KSR2: variants seen among roughly 807,000 people sequenced by gnomAD.
KSR2 encodes the protein kinase suppressor of ras 2.
In KSR2, 25 loss-of-function variants were observed where a neutral mutation model predicts 107.8. The ratio of observed to expected loss-of-function variants is 0.23; its 90% CI spans 0.17 to 0.32. The LOEUF (loss-of-function observed/expected upper bound fraction) is 0.32. Ranked by LOEUF, KSR2 falls within the 10% of genes least tolerant of loss-of-function variation. The probability of loss-of-function intolerance (pLI) is 1.00; values close to 1 mark genes in which losing one functional copy is unlikely to be tolerated. For synonymous variants in KSR2, 480 were observed against 507.0 expected, an observed-to-expected ratio of 0.95 and a Z score of 0.71; for missense variants, 887 against 1,268.9, an observed-to-expected ratio of 0.70 and a Z score of 4.57.
chr12:117,513,841 T>G (rs1874190967), intron 14 of KSR2, among the ~76,000 whole-genome samples: 1 of 152,244 alleles, frequency 6.6e-6, no homozygotes, highest in Non-Finnish European at 1.5e-5. Context: ...CCCTGCAATC[T>G]GACCAACCTG....
chr12:117,704,453 T>A (rs975416192), intron 4 of KSR2, among the ~76,000 whole-genome samples: 4 of 152,058 alleles, frequency 2.6e-5, no homozygotes, highest in African/African-American at 9.7e-5. Context: ...AGAGAAGGGA[T>A]CCCCCAAAAC....
intron 3 of KSR2, among the ~76,000 whole-genome samples, chr12:117,794,206 TACACCAACATGCACA>T (rs1890478118): frequency 2.0e-5 from 1 of 49,786 alleles, no homozygotes; most frequent in Non-Finnish European, 3.5e-5. Context: ...CATGCACACA[TACACCAACATGCACA>T]CACACCAACA....
chr12:117,950,280 T>G (rs1164507774), intron 1 of KSR2, among the ~76,000 whole-genome samples: 1 of 152,078 alleles, frequency 6.6e-6, no homozygotes, highest in African/African-American at 2.4e-5. Context: ...GGCCTGCAAT[T>G]TACTTTTAAT....
intron 2 of KSR2, among the ~76,000 whole-genome samples, chr12:117,859,229 T>A (rs1396680884): frequency 1.4e-5 from 2 of 143,122 alleles, no homozygotes; most frequent in Non-Finnish European, 3.0e-5. Flanking sequence ...CACTGCAACA[T>A]CTGTCTCACA....
chr12:117,662,758 C>T (rs958018034), intron 5 of KSR2, among the ~76,000 whole-genome samples: 2 of 152,182 alleles, frequency 1.3e-5, no homozygotes, highest in Admixed American at 6.5e-5. Context: ...CTGTGTTCTC[C>T]CAACCCCAAG....
intron 5 of KSR2, among the ~76,000 whole-genome samples, chr12:117,607,781 T>C (rs1454495775): frequency 6.6e-6 from 1 of 151,834 alleles, no homozygotes; most frequent in Non-Finnish European, 1.5e-5. Flanking sequence ...AACCTGGGGG[T>C]TCTGCGGATC....
intron 7 of KSR2, among the ~76,000 whole-genome samples, chr12:117,578,395 A>G (rs980626445): frequency 3.3e-5 from 5 of 152,112 alleles, no homozygotes; most frequent in Non-Finnish European, 5.9e-5. Flanking sequence ...GGAGTTCGAG[A>G]GCAGCCTGGC....
At chr12:117,678,401 A>C (rs1369119695) in intron 4 of KSR2, among the ~76,000 whole-genome samples, 1 of 150,198 alleles carries the variant, frequency 6.7e-6, no homozygotes, top group Non-Finnish European at 1.5e-5. Flanking sequence ...AGACATCTTC[A>C]TGTACTAGGA....
At chr12:117,700,610 C>T (rs143844784) in intron 4 of KSR2, among the ~76,000 whole-genome samples, 8 of 152,188 alleles carry the variant, frequency 5.3e-5, no homozygotes, top group East Asian at 3.8e-4. Context: ...ACGGATGCTA[C>T]GGAGATATAT....
intron 5 of KSR2, among the ~76,000 whole-genome samples, chr12:117,655,473 C>T (rs1419131560): frequency 6.6e-6 from 1 of 152,186 alleles, no homozygotes; most frequent in Non-Finnish European, 1.5e-5. Flanking sequence ...GCCGTGTATG[C>T]TCTGAATCGG....
intron 3 of KSR2, among the ~76,000 whole-genome samples, chr12:117,775,063 G>T (rs1889639435): frequency 6.6e-6 from 1 of 152,162 alleles, no homozygotes; most frequent in Non-Finnish European, 1.5e-5. Context: ...TCAGCTGATG[G>T]ACATTTAAGT....
intron 4 of KSR2, among the ~76,000 whole-genome samples, chr12:117,731,431 G>T (rs901698344): frequency 2.3e-5 from 3 of 133,000 alleles, no homozygotes; most frequent in Admixed American, 1.4e-4. Context: ...GGCAGCCCCC[G>T]CCCAGCCACC....
chr12:117,945,511 A>C (rs917984816), intron 1 of KSR2, among the ~76,000 whole-genome samples: 5 of 151,968 alleles, frequency 3.3e-5, no homozygotes, highest in African/African-American at 1.2e-4. Context: ...CCTATCTCTA[A>C]ATACAAAAAT....
At chr12:117,718,212 C>T (rs1034521468) in intron 4 of KSR2, among the ~76,000 whole-genome samples, 2 of 152,190 alleles carry the variant, frequency 1.3e-5, no homozygotes, top group African/African-American at 4.8e-5. Context: ...AGAGGTGCTG[C>T]TGTAAATCTT....
In KSR2 at chr12:117,582,341, C is replaced by T. The variant is rs776731615; in HGVS notation, c.1190G>A (p.Arg397His). ...NFSANTLSVPRWSPQIPRRDL... is the reference protein window; with the variant it reads ...NFSANTLSVPHWSPQIPRRDL... Reference sequence around the variant, plus strand: ...TCTGCGAGGGATCTGCGGGGACCAGCGTGGCACTGACAGTGTGTCTACAGA... The same window carrying T: ...TCTGCGAGGGATCTGCGGGGACCAGTGTGGCACTGACAGTGTGTCTACAGA... The change falls in exon 6 of 20, where the codon CGC becomes CAC. Residue 397 changes from arginine (R) to histidine (H), a missense_variant. Physicochemically the swap from Arg to His is conservative, Grantham distance 29. Transcript: ENST00000339824. The T allele has an allele frequency of 1.8e-5, 29 of 1,613,568 alleles. No homozygotes were observed. In the African/African-American group the frequency reaches 3.5e-4, roughly 19 times the overall value.
chr12:117,587,164 G>T (rs1398285473), intron 5 of KSR2, among the ~76,000 whole-genome samples: 2 of 152,128 alleles, frequency 1.3e-5, no homozygotes, highest in Middle Eastern at 3.2e-3. Flanking sequence ...CCACCCAAAA[G>T]ATGCCCACGT....
chr12:117,667,694 T>C (rs111646275), intron 4 of KSR2, 36 bp from the exon 5 acceptor site: 23 of 1,503,294 alleles, frequency 1.5e-5, no homozygotes, highest in South Asian at 1.1e-4. Context: ...AAAGGAAATA[T>C]ATCCATAGGT....
intron 5 of KSR2, among the ~76,000 whole-genome samples, chr12:117,646,814 T>A (rs1472713665): frequency 1.3e-5 from 2 of 152,116 alleles, no homozygotes; most frequent in Non-Finnish European, 2.9e-5. Context: ...AGGGGCTTAG[T>A]CTTCCCTCCC....
chr12:117,694,435 A>C (rs796783012), intron 4 of KSR2, among the ~76,000 whole-genome samples: 50 of 152,340 alleles, frequency 3.3e-4, no homozygotes, highest in African/African-American at 1.2e-3. Flanking sequence ...AGGCCTCCCC[A>C]GCCACATGGA....
Sources: gnomAD v4.1 joint callset for allele counts (sites outside exome capture counted in the v4.1 genomes callset) on GRCh38, gnomAD v4.1.1 for gene constraint, MANE v1.5 for transcripts, NCBI Gene and HGNC (gene_info 2026-07-23, HGNC 2026-07-21) for gene names.